The following ASAH2B variants were observed in gnomAD, a reference collection of about 807,000 sequenced individuals.
ASAH2B encodes putative inactive neutral ceramidase B.
ASAH2B carries 1 observed loss-of-function variant against 2.9 expected under a neutral mutation model. The observed-to-expected ratio is 0.34, with a 90% CI of 0.12 to 1.63. ASAH2B has a LOEUF of 1.63. ASAH2B is among the 40% of genes most tolerant of loss of function. The pLI is 0.36. For synonymous variants in ASAH2B, 4 were observed against 13.3 expected (o/e 0.30, Z 1.52); for missense variants, 9 against 37.7 (o/e 0.24, Z 1.99).
intron 3 of ASAH2B, among the ~76,000 whole-genome samples, chr10:50,746,600 AC>A (rs1421182850): frequency 2.7e-5 from 4 of 149,604 alleles, no homozygotes; most frequent in Non-Finnish European, 4.4e-5. Flanking sequence ...TAATGGCTGC[AC>A]TAATTCACAT....
rs1837132847 is a variant in ASAH2B, at chr10:50,758,231, TTA to T, written c.*3493_*3494del. On this transcript the variant is annotated 3_prime_UTR_variant, in exon 6 of 6. Transcript: ENST00000647317. Reference sequence around the variant, plus strand: ...GATAGCCGAAGTAGCTGTCATAAAATTATGTTAGTCAAGACAGATTAGTTATG... The same window carrying T: ...GATAGCCGAAGTAGCTGTCATAAAATTGTTAGTCAAGACAGATTAGTTATG... The T allele has an allele frequency of 2.6e-5, 3 of 113,792 alleles. No homozygotes were observed. In the South Asian group the frequency reaches 1.0e-3, roughly 39 times the overall value. The allele number at this position is 113,792 out of a possible 1,614,324, so 7.0% of individuals were successfully genotyped here. A position where few individuals can be genotyped will look rare whatever the true frequency, so the allele number is the denominator to read the frequency against.
intron 3 of ASAH2B, among the ~76,000 whole-genome samples, chr10:50,747,830 A>T (rs181152655): frequency 1.3e-5 from 2 of 151,798 alleles, no homozygotes; most frequent in Admixed American, 1.3e-4. Flanking sequence ...CATGTCCATG[A>T]GGGATATTTT....
chr10:50,747,243 T>C (rs1471603346), intron 3 of ASAH2B, among the ~76,000 whole-genome samples: 3 of 151,368 alleles, frequency 2.0e-5, no homozygotes, highest in African/African-American at 7.3e-5. Flanking sequence ...GAAGAGACTG[T>C]CACTTCCCCA....
intron 3 of ASAH2B, among the ~76,000 whole-genome samples, 155 bp from the exon 4 acceptor site, chr10:50,749,187 AG>A (rs1839949680): frequency 7.3e-6 from 1 of 137,484 alleles, no homozygotes; most frequent in Admixed American, 7.5e-5. Flanking sequence ...TATTGTTGCA[AG>A]GGTTAATATT....
intron 3 of ASAH2B, among the ~76,000 whole-genome samples, chr10:50,747,524 T>C (rs1839925868): frequency 6.6e-6 from 1 of 151,704 alleles, no homozygotes; most frequent in Non-Finnish European, 1.5e-5. Flanking sequence ...AGTAGAAAAG[T>C]ATTCAGTTTT....
At chr10:50,741,593 A>G (rs908997648) in intron 1 of ASAH2B, among the ~76,000 whole-genome samples, 2 of 152,230 alleles carry the variant, frequency 1.3e-5, no homozygotes, top group African/African-American at 4.8e-5. Context: ...AAAAGTAAGA[A>G]TGTATCCTAT....
In ASAH2B at chr10:50,755,927, G is replaced by A. The variant is rs1463038146; in HGVS notation, c.*1187G>A. The A allele has an allele frequency of 6.6e-6, 1 of 150,850 alleles. No individual in the cohort carries two copies. The highest frequency in any genetic ancestry group is 2.4e-5 in the African/African-American group (1 of 41,304). The allele number at this position is 150,850 out of a possible 1,614,324, so 9.3% of individuals were successfully genotyped here. A position where few individuals can be genotyped will look rare whatever the true frequency, so the allele number is the denominator to read the frequency against. On this transcript the variant is annotated 3_prime_UTR_variant, in exon 6 of 6. Transcript: ENST00000647317. ...CATCTGTGTTGGATACTCTAATTTG[G>A]GGGGAAAGAGGCTCCAGACAGTTTG...
At position 50,745,760 on chromosome 10, in the gene ASAH2B, T is replaced by C. The variant is rs538372170; in HGVS notation, c.144+486T>C. 5.3e-4 allele frequency among the ~76,000 whole-genome samples: 78 copies of C among 148,092 alleles called. 3 individuals carry two copies. Among genetic ancestry groups the C allele is most frequent in the South Asian group, 1.5e-3 (7 of 4,696 alleles). On this transcript the variant is annotated intron_variant, in intron 3 of 5. Transcript: ENST00000647317. ...GAATAAAAATAAGCTTATTTATTCC[T>C]TTCTATATTTCTTTTCTAAATGCAC... is the stretch of plus-strand genomic sequence containing the variant.
chr10:50,754,877 T>A lies in ASAH2B; in HGVS notation c.*137T>A, dbSNP rs1478143385. On this transcript the variant is annotated 3_prime_UTR_variant, in exon 6 of 6. Transcript: ENST00000647317. The stretch of plus-strand genomic sequence containing the variant: ...TGTTTGGGGACAGATAGTTTACTGC[T>A]AATGGGGTGGAGGGGTGTGTGTGTG... 22 of 172,796 alleles carry A rather than the reference T, an allele frequency of 1.3e-4. No individual in the cohort carries two copies. Among genetic ancestry groups the A allele is most frequent in the Non-Finnish European group, 2.0e-4 (18 of 92,174 alleles). 10.7% of individuals were successfully genotyped at this position (172,796 alleles called of 1,614,324 possible).
chr10:50,754,849 C>T lies in ASAH2B; in HGVS notation c.*109C>T. 1 of 128,402 alleles carries T rather than the reference C, an allele frequency of 7.8e-6. No individual in the cohort carries two copies. Among genetic ancestry groups the T allele is most frequent in the Non-Finnish European group, 1.5e-5 (1 of 66,550 alleles). The allele number at this position is 128,402 out of a possible 1,614,324, so 8.0% of individuals were successfully genotyped here. A position where few individuals can be genotyped will look rare whatever the true frequency, so the allele number is the denominator to read the frequency against. ...CTACCATGTTGACTTCTATAATCGT[C>T]CCTGTTTGGGGACAGATAGTTTACT... On this transcript the variant is annotated 3_prime_UTR_variant, in exon 6 of 6. Transcript: ENST00000647317.
intron 2 of ASAH2B, among the ~76,000 whole-genome samples, chr10:50,743,440 G>T (rs1839863643): frequency 6.6e-6 from 1 of 150,472 alleles, no homozygotes; most frequent in Admixed American, 6.6e-5. Context: ...AGCATTCTAA[G>T]ATGCCCATTT....
At chr10:50,742,415 A>G (rs1839844424) in intron 1 of ASAH2B, among the ~76,000 whole-genome samples, 1 of 152,202 alleles carries the variant, frequency 6.6e-6, no homozygotes, top group South Asian at 2.1e-4. Flanking sequence ...TAGATTTGAT[A>G]ACTTTGAAGT....
intron 4 of ASAH2B, among the ~76,000 whole-genome samples, chr10:50,751,436 T>C (rs1839976550): frequency 1.3e-5 from 2 of 150,452 alleles, no homozygotes; most frequent in Non-Finnish European, 3.0e-5. Flanking sequence ...TTCAGAGGCC[T>C]AGACTTGTTC....
intron 3 of ASAH2B, among the ~76,000 whole-genome samples, chr10:50,746,358 T>C (rs1313793951): frequency 1.3e-5 from 2 of 151,568 alleles, no homozygotes; most frequent in Non-Finnish European, 2.9e-5. Flanking sequence ...CTGAATAGTA[T>C]TCCATTGTGT....
intron 3 of ASAH2B, among the ~76,000 whole-genome samples, chr10:50,745,805 G>T: frequency 1.4e-5 from 2 of 144,536 alleles, no homozygotes; most frequent in South Asian, 2.3e-4. Flanking sequence ...TATCCTTATT[G>T]GACTGGCTAG....
intron 1 of ASAH2B, among the ~76,000 whole-genome samples, chr10:50,740,789 T>C (rs2132716894): frequency 6.6e-6 from 1 of 152,306 alleles, no homozygotes; most frequent in South Asian, 2.1e-4. Flanking sequence ...ATTACCAATT[T>C]ATTGGCCACA....
rs1837089480 is a variant in ASAH2B at position 50,756,388 on chromosome 10, A to G, written c.*1648A>G. The G allele has an allele frequency of 6.6e-6, 1 of 151,868 alleles. No homozygotes were observed. Among genetic ancestry groups the G allele is most frequent in the South Asian group, 2.1e-4 (1 of 4,832 alleles). The allele number at this position is 151,868 out of a possible 1,614,324, so 9.4% of individuals were successfully genotyped here. On this transcript the variant is annotated 3_prime_UTR_variant, in exon 6 of 6. Coordinates refer to ENST00000647317, the MANE Select transcript of ASAH2B (RefSeq NM_001321958.2). ...GTAATCAGGGATTCCAAGTGTTGTG[A>G]TCTTTTTTCTGATGACGCCACAGTC...
intron 2 of ASAH2B, 68 bp downstream of exon 2, chr10:50,743,078 G>T: frequency 2.0e-6 from 3 of 1,535,284 alleles, no homozygotes; most frequent in Non-Finnish European, 2.7e-6. Flanking sequence ...ATGTGTCTGT[G>T]TCTGGGTAAG....
At chr10:50,744,158 G>A (rs1448948413) in intron 2 of ASAH2B, among the ~76,000 whole-genome samples, 1 of 151,184 alleles carries the variant, frequency 6.6e-6, no homozygotes, top group Non-Finnish European at 1.5e-5. Flanking sequence ...AGATTATACA[G>A]AAAAGCATAA....
Sources: allele counts gnomAD v4.1 joint callset (sites outside exome capture counted in the v4.1 genomes callset), GRCh38; gene constraint gnomAD v4.1.1; transcripts MANE v1.5; gene names NCBI Gene and HGNC (gene_info 2026-07-23, HGNC 2026-07-21).